PCDH15: variants seen among roughly 807,000 people sequenced by gnomAD.
PCDH15 encodes the protein protocadherin-15.
PCDH15 carries 129 observed loss-of-function variants against 178.5 expected under a neutral mutation model. The ratio of observed to expected loss-of-function variants is 0.72; its 90% CI spans 0.63 to 0.84. The LOEUF (loss-of-function observed/expected upper bound fraction) is 0.84. PCDH15 is among the 40% of genes least tolerant of loss of function. The pLI is 0.00. For synonymous variants in PCDH15, 800 were observed against 732.0 expected (o/e 1.09, Z -1.50); for missense variants, 2,230 against 2,099.9 (o/e 1.06, Z -1.21).
chr10:53,997,063 G>T (rs181593853), intron 20 of PCDH15, among the ~76,000 whole-genome samples: 1 of 151,808 alleles, frequency 6.6e-6, no homozygotes, highest in African/African-American at 2.4e-5. Context: ...TTTTATATTC[G>T]CCATAGAGTT....
chr10:54,258,403 G>A (rs1321131458), intron 8 of PCDH15, among the ~76,000 whole-genome samples: 1 of 152,168 alleles, frequency 6.6e-6, no homozygotes, highest in Non-Finnish European at 1.5e-5. Context: ...AGAATAGAGA[G>A]ACAATGAACT....
intron 1 of PCDH15, among the ~76,000 whole-genome samples, chr10:54,725,542 A>T (rs192142058): frequency 0.032 from 3,485 of 110,622 alleles, 121 homozygotes; most frequent in African/African-American, 0.064. Flanking sequence ...AAATATAATT[A>T]TATATATAAT....
intron 8 of PCDH15, among the ~76,000 whole-genome samples, chr10:54,289,593 C>T (rs767548299): frequency 6.6e-6 from 1 of 152,086 alleles, no homozygotes; most frequent in Non-Finnish European, 1.5e-5. Context: ...TAATAACAAA[C>T]GTCTCCAAGC....
At chr10:54,659,828 C>G (rs1052366465) in intron 2 of PCDH15, among the ~76,000 whole-genome samples, 1 of 150,318 alleles carries the variant, frequency 6.7e-6, no homozygotes, top group Non-Finnish European at 1.5e-5. Context: ...CAACTTGCTA[C>G]TGAATGATTT....
intron 3 of PCDH15, among the ~76,000 whole-genome samples, chr10:54,455,709 G>T (rs2076773682): frequency 6.6e-6 from 1 of 152,148 alleles, no homozygotes. Flanking sequence ...TAGGGAAAAT[G>T]TCTCGAGGAC....
In PCDH15 at chr10:54,567,975, G is replaced by A. The variant is rs530330220; in HGVS notation, c.92-40098C>T. 3.9e-5 allele frequency among the ~76,000 whole-genome samples: 6 copies of A among 152,132 alleles called. No homozygotes were observed. The South Asian group carries it at 6.2e-4, about 16-fold the overall frequency. On this transcript the variant is annotated intron_variant, in intron 2 of 37. Coordinates refer to ENST00000644397, the MANE Select transcript of PCDH15 (RefSeq NM_001384140.1). ...ATCTTGTAAAAATTATTTCTGCTAC[G>A]TATACTTATCTAACACATAAGTATA... is the stretch of plus-strand genomic sequence containing the variant.
intron 3 of PCDH15, among the ~76,000 whole-genome samples, chr10:54,462,476 C>CTTTCTTTTCT (rs3070713): frequency 0.017 from 2,081 of 122,856 alleles, 65 homozygotes; most frequent in African/African-American, 0.052. Flanking sequence ...TCCTTTCTTT[C>CTTTCTTTTCT]TTTCTTTTCT....
intron 21 of PCDH15, among the ~76,000 whole-genome samples, chr10:53,982,527 G>A (rs2090740812): frequency 6.6e-6 from 1 of 151,952 alleles, no homozygotes; most frequent in South Asian, 2.1e-4. Context: ...GTAGGGACAT[G>A]GATGAAGCTG....
chr10:55,125,129 T>A (rs2132070496), intron 2 of PCDH15, among the ~76,000 whole-genome samples: 1 of 150,900 alleles, frequency 6.6e-6, no homozygotes, highest in South Asian at 2.1e-4. Flanking sequence ...CACGAAACAA[T>A]CAAAATTAGG....
intron 17 of PCDH15, among the ~76,000 whole-genome samples, chr10:54,078,938 T>A (rs1355804570): frequency 6.6e-6 from 1 of 152,124 alleles, no homozygotes; most frequent in African/African-American, 2.4e-5. Context: ...ATCCACAAAA[T>A]CCACTCTTCC....
intron 8 of PCDH15, among the ~76,000 whole-genome samples, chr10:54,287,309 G>A (rs1656789866): frequency 6.6e-6 from 1 of 151,958 alleles, no homozygotes; most frequent in African/African-American, 2.4e-5. Flanking sequence ...ATTAATCTTG[G>A]GCTTTTATGA....
intron 14 of PCDH15, among the ~76,000 whole-genome samples, chr10:54,143,735 TATGCTTTAAGTATATTAAGTAGAGTA>T (rs1453557445): frequency 3.9e-5 from 6 of 152,220 alleles, no homozygotes; most frequent in Non-Finnish European, 8.8e-5. Flanking sequence ...AGCTTTAAGT[TATGCTTTAAGTATATTAAGTAGAGTA>T]TACTTTTGTA....
At chr10:55,048,779 C>T (rs1841079439) in intron 2 of PCDH15, among the ~76,000 whole-genome samples, 1 of 151,828 alleles carries the variant, frequency 6.6e-6, no homozygotes, top group African/African-American at 2.4e-5. Context: ...TACCTTTCAG[C>T]ATTTGTATTA....
intron 2 of PCDH15, among the ~76,000 whole-genome samples, chr10:55,553,418 A>G (rs927597771): frequency 6.6e-5 from 10 of 151,894 alleles, no homozygotes; most frequent in Non-Finnish European, 8.8e-5. Flanking sequence ...TAAAGGCTTT[A>G]AAATAGTATG....
rs912924102 is a variant in PCDH15, at chr10:53,803,395, C to A, written c.*3184G>T. 1.3e-5 allele frequency: 2 copies of A among 151,846 alleles called. No individual in the cohort carries two copies. Among genetic ancestry groups the A allele is most frequent in the Non-Finnish European group, 2.9e-5 (2 of 67,866 alleles). 9.4% of individuals were successfully genotyped at this position (151,846 alleles called of 1,614,324 possible). On this transcript the variant is annotated 3_prime_UTR_variant, in exon 38 of 38. Coordinates refer to ENST00000644397, the MANE Select transcript of PCDH15 (RefSeq NM_001384140.1). ...AGAGTCAATATTCAATTACTTCTGG[C>A]TCTATGATATAAAAATGTTTTTAAA...
At chr10:54,169,824 A>T (rs2133595745) in intron 13 of PCDH15, among the ~76,000 whole-genome samples, 1 of 151,870 alleles carries the variant, frequency 6.6e-6, no homozygotes, top group Middle Eastern at 3.4e-3. Context: ...AAAGCCTATA[A>T]ACTCTCCTTA....
intron 2 of PCDH15, among the ~76,000 whole-genome samples, chr10:55,104,313 C>T (rs763473702): frequency 6.6e-6 from 1 of 151,976 alleles, no homozygotes. Context: ...GCGTCTTGAT[C>T]GGCAGAAGCT....
intron 2 of PCDH15, among the ~76,000 whole-genome samples, chr10:54,945,992 G>A (rs557703572): frequency 6.6e-6 from 1 of 151,938 alleles, no homozygotes; most frequent in Non-Finnish European, 1.5e-5. Flanking sequence ...ACAGTAGAAT[G>A]TCAGTTAATT....
chr10:55,600,086 C>T (rs1236014881), intron 2 of PCDH15: 2 of 566,440 alleles, frequency 3.5e-6, no homozygotes, highest in Non-Finnish European at 5.5e-6. Flanking sequence ...TTGGGGTGGC[C>T]GGGCACAGTG....
Sources: allele counts gnomAD v4.1 joint callset (sites outside exome capture counted in the v4.1 genomes callset), GRCh38; gene constraint gnomAD v4.1.1; transcripts MANE v1.5; gene names NCBI Gene and HGNC (gene_info 2026-07-23, HGNC 2026-07-21).